TMPRSS13: variants seen among roughly 807,000 people sequenced by gnomAD.
TMPRSS13 encodes the protein transmembrane protease serine 13.
In TMPRSS13, 50 loss-of-function variants were observed where a neutral mutation model predicts 68.4. The observed-to-expected ratio is 0.73, with a 90% CI of 0.58 to 0.93. The LOEUF (loss-of-function observed/expected upper bound fraction) is 0.93. Ranked by LOEUF, TMPRSS13 falls within the 40% of genes least tolerant of loss-of-function variation. The pLI, the probability that TMPRSS13 is intolerant of heterozygous loss-of-function variation, is 0.00. For synonymous variants in TMPRSS13, 267 were observed against 285.8 expected (o/e 0.93, Z 0.66); for missense variants, 615 against 729.2 (o/e 0.84, Z 1.80).
Position 117,915,837 on chromosome 11 carries a change from G to A in TMPRSS13, c.557-1323C>T, listed in dbSNP as rs1409089188. Among the ~76,000 whole-genome samples the A allele has an allele frequency of 2.0e-5, 3 of 152,196 alleles. No homozygotes were observed. The highest frequency in any genetic ancestry group is 4.8e-5 in the African/African-American group (2 of 41,454). ...TAGTCCTGTGGCTTTCATGGAGCAG[G>A]GTGCCCTGTAGTGGGAAAGGGAGGG... On this transcript the variant is annotated intron_variant, in intron 3 of 12. Coordinates refer to ENST00000524993, the MANE Select transcript of TMPRSS13 (RefSeq NM_001077263.3). The surrounding 1 kb of genome is among the most constrained non-coding windows in gnomAD (Gnocchi z 4.9).
chr11:117,909,694 G>T, intron 8 of TMPRSS13, 112 bp downstream of exon 8: 4 of 1,323,762 alleles, frequency 3.0e-6, no homozygotes, highest in Non-Finnish European at 4.1e-6. Flanking sequence ...GCCCATGGGG[G>T]CTGGACTCAC....
intron 3 of TMPRSS13, among the ~76,000 whole-genome samples, chr11:117,916,087 G>T (rs1175888059): frequency 6.6e-6 from 1 of 152,178 alleles, no homozygotes; most frequent in African/African-American, 2.4e-5. Flanking sequence ...CAGCAGCCCT[G>T]CCAGCAGACG....
chr11:117,903,909 C>G (rs781307298), intron 11 of TMPRSS13, 50 bp downstream of exon 11: 1 of 1,600,422 alleles, frequency 6.2e-7, no homozygotes, highest in East Asian at 2.3e-5. Flanking sequence ...CCCCTGCCTC[C>G]CCCATCCCCA....
intron 10 of TMPRSS13, 29 bp downstream of exon 10, chr11:117,905,609 A>G: frequency 6.4e-7 from 1 of 1,553,692 alleles, no homozygotes; most frequent in Non-Finnish European, 8.8e-7. Context: ...ATGAATACAT[A>G]CACACAACCA....
At position 117,922,227 on chromosome 11, in the gene TMPRSS13, C is replaced by T. The variant is rs1160719674; in HGVS notation, c.22-3389G>A. Among the ~76,000 whole-genome samples the T allele has an allele frequency of 5.9e-5, 9 of 152,162 alleles. No homozygotes were observed. The South Asian group carries it at 1.9e-3, about 32-fold the overall frequency. On this transcript the variant is annotated intron_variant, in intron 1 of 12. Transcript: ENST00000524993. This position sits in a 1 kb window ranked among gnomAD's most constrained non-coding sequence, Gnocchi z 4.2. ...GGGGAATAGGAAGGGGAGGAGACTA[C>T]TTGTTTGTTTGTTGTTTGTTTGCTT... is the stretch of plus-strand genomic sequence containing the variant.
intron 1 of TMPRSS13, among the ~76,000 whole-genome samples, chr11:117,919,958 C>T (rs931612563): frequency 8.5e-5 from 13 of 152,188 alleles, no homozygotes; most frequent in East Asian, 3.9e-4. Context: ...CCTGCAGGGC[C>T]AGGAACACCT....
At chr11:117,925,047 C>T (rs545205247) in intron 1 of TMPRSS13, among the ~76,000 whole-genome samples, 1 of 152,336 alleles carries the variant, frequency 6.6e-6, no homozygotes, top group African/African-American at 2.4e-5. Flanking sequence ...TGGGCCTCAG[C>T]TCCCTCTTCA....
chr11:117,912,576 G>C (rs1221855838), intron 5 of TMPRSS13, among the ~76,000 whole-genome samples: 1 of 152,194 alleles, frequency 6.6e-6, no homozygotes, highest in Admixed American at 6.5e-5. Flanking sequence ...TCTAGAACAT[G>C]GTACACCCCT....
At chr11:117,906,372 C>T (rs999720643) in intron 9 of TMPRSS13, among the ~76,000 whole-genome samples, 51 of 152,220 alleles carry the variant, frequency 3.4e-4, no homozygotes, top group African/African-American at 1.2e-3. Flanking sequence ...TTCATAAGCT[C>T]TGAGGACTGG....
chr11:117,916,485 A>C (rs560980074), intron 3 of TMPRSS13, among the ~76,000 whole-genome samples: 79 of 152,334 alleles, frequency 5.2e-4, no homozygotes, highest in Non-Finnish European at 8.1e-4. Flanking sequence ...CAAAATTTCC[A>C]GCTATTCCCC....
In TMPRSS13 at chr11:117,910,751, C is replaced by T. The variant is rs1160994166; in HGVS notation, c.903-1G>A. The T allele has an allele frequency of 1.2e-6, 2 of 1,606,740 alleles. No individual in the cohort carries two copies. Among genetic ancestry groups the T allele is most frequent in the African/African-American group, 1.3e-5 (1 of 74,748 alleles). ...ATACCGCTGGGAAGGGCATTCAGAC[C>T]TGCAGGGGGAGACACAGAAAGTGGG... On this transcript the variant is annotated splice_acceptor_variant, in intron 6 of 12. Coordinates refer to ENST00000524993, the MANE Select transcript of TMPRSS13 (RefSeq NM_001077263.3). LOFTEE classifies it high-confidence loss of function.
At chr11:117,926,385 C>T (rs1005666010) in intron 1 of TMPRSS13, among the ~76,000 whole-genome samples, 1 of 152,154 alleles carries the variant, frequency 6.6e-6, no homozygotes, top group Non-Finnish European at 1.5e-5. Context: ...GCGGGTGAGC[C>T]ATCTCAGGAA....
Position 117,929,340 on chromosome 11 carries a change from C to A in TMPRSS13, c.-33G>T, listed in dbSNP as rs1302665835. 1.2e-6 allele frequency: 2 copies of A among 1,601,602 alleles called. No homozygotes were observed. Among genetic ancestry groups the A allele is most frequent in the East Asian group, 4.6e-5 (2 of 43,912 alleles). ...GAGGGGAAGAGTCCTCCAGGCTTAGCTGATGTCGAGGAGAAGATCCATCTT... is the reference window on the plus strand; with the variant it reads ...GAGGGGAAGAGTCCTCCAGGCTTAGATGATGTCGAGGAGAAGATCCATCTT... On this transcript the variant is annotated 5_prime_UTR_variant, in exon 1 of 13. Coordinates refer to ENST00000524993, the MANE Select transcript of TMPRSS13 (RefSeq NM_001077263.3).
At chr11:117,907,822 T>C (rs1024644291) in intron 9 of TMPRSS13, 63 of 985,382 alleles carry the variant, frequency 6.4e-5, no homozygotes, top group Admixed American at 1.2e-4. Context: ...ATTTTATTTC[T>C]ATTTGCAACT....
Position 117,907,958 on chromosome 11 carries a change from G to A in TMPRSS13, c.1282+654C>T, listed in dbSNP as rs1027674111. 5 of 987,450 alleles carry A rather than the reference G, an allele frequency of 5.1e-6. No homozygotes were observed. In the African/African-American group the frequency reaches 7.0e-5, roughly 14 times the overall value. The allele number at this position is 987,450 out of a possible 1,614,324, so 61.2% of individuals were successfully genotyped here. A position where few individuals can be genotyped will look rare whatever the true frequency, so the allele number is the denominator to read the frequency against. Reference sequence around the variant, plus strand: ...CGTCCCCTGTCCACAGTGATCTTCTGAGAACCTCTGCAGCATTTCCTTTGT... The same window carrying A: ...CGTCCCCTGTCCACAGTGATCTTCTAAGAACCTCTGCAGCATTTCCTTTGT... On this transcript the variant is annotated intron_variant, in intron 9 of 12. Transcript: ENST00000524993.
At chr11:117,902,935 G>A (rs2057422531) in intron 12 of TMPRSS13, 1 of 1,006,192 alleles carries the variant, frequency 9.9e-7, no homozygotes, top group Non-Finnish European at 1.2e-6. Context: ...GTATTCCAAA[G>A]GCCAAGGGCA....
rs1317978797 is a variant in TMPRSS13, at chr11:117,915,643, T to C, written c.557-1129A>G. Among the ~76,000 whole-genome samples the C allele has an allele frequency of 6.6e-6, 1 of 152,164 alleles. No individual in the cohort carries two copies. The highest frequency in any genetic ancestry group is 1.5e-5 in the Non-Finnish European group (1 of 68,016). ...GGGCTCTAGTCCTGACCCCACCAGG[T>C]AGCTGCTTGGTGACCTGCACAAGTC... On this transcript the variant is annotated intron_variant, in intron 3 of 12. Transcript: ENST00000524993. This position sits in a 1 kb window ranked among gnomAD's most constrained non-coding sequence, Gnocchi z 4.9.
At position 117,910,517 on chromosome 11, in the gene TMPRSS13, G is replaced by C. The variant is rs989831436; in HGVS notation, c.946+190C>G. The C allele has an allele frequency of 5.5e-6, 3 of 543,458 alleles. No individual in the cohort carries two copies. In the Admixed American group the frequency reaches 9.6e-5, roughly 17 times the overall value. 33.7% of individuals were successfully genotyped at this position (543,458 alleles called of 1,614,324 possible). A position where few individuals can be genotyped will look rare whatever the true frequency, so the allele number is the denominator to read the frequency against. ...TGGGCTGAGCCCCTACCAGAGTCAG[G>C]AGAAGGGGAAATGTTACCCTGGGTG... On this transcript the variant is annotated intron_variant, in intron 7 of 12. Transcript: ENST00000524993.
At chr11:117,926,384 C>T (rs1488435059) in intron 1 of TMPRSS13, among the ~76,000 whole-genome samples, 1 of 152,156 alleles carries the variant, frequency 6.6e-6, no homozygotes, top group Non-Finnish European at 1.5e-5. Flanking sequence ...CGCGGGTGAG[C>T]CATCTCAGGA....
Sources: allele counts gnomAD v4.1 joint callset (sites outside exome capture counted in the v4.1 genomes callset), GRCh38; gene constraint gnomAD v4.1.1; non-coding constraint Gnocchi (gnomAD v3.1); transcripts MANE v1.5; gene names NCBI Gene and HGNC (gene_info 2026-07-23, HGNC 2026-07-21).